SPTBN5: variants seen among roughly 807,000 people sequenced by gnomAD.
SPTBN5 encodes the protein spectrin beta chain, non-erythrocytic 5.
Under a neutral mutation model 477.6 loss-of-function variants are expected in SPTBN5, and 513 were observed. The ratio of observed to expected loss-of-function variants is 1.07; its 90% CI spans 1.00 to 1.16. The LOEUF (loss-of-function observed/expected upper bound fraction) is 1.16. SPTBN5 is among the 50% of genes most tolerant of loss of function. The pLI is 0.00. For missense variants in SPTBN5, 5,062 were observed against 4,731.8 expected (o/e 1.07, Z -2.05); for synonymous variants, 2,169 against 2,011.7 (o/e 1.08, Z -2.09).
Position 41,857,447 on chromosome 15 carries a change from C to A in SPTBN5, c.8412G>T (p.Glu2804Asp). 2 of 1,607,774 alleles carry A rather than the reference C, an allele frequency of 1.2e-6. No homozygotes were observed. The highest frequency in any genetic ancestry group is 1.7e-6 in the Non-Finnish European group (2 of 1,177,380). Residue 2804 changes from glutamate to aspartate, a missense_variant, in exon 51 of 68, where the codon GAG (glutamate) becomes GAT (aspartate). Glu to Asp is a conservative substitution (Grantham distance 45). Transcript: ENST00000320955. Reference protein sequence around the residue: ...RSMEELENWLEPIEVELRAPT... With the variant: ...RSMEELENWLDPIEVELRAPT... Reference sequence around the variant, plus strand: ...GGGCTCTCAGCTCAACCTCGATGGGCTCCAGCCAGTTCTCCAGTTCCTCCA... The same window carrying A: ...GGGCTCTCAGCTCAACCTCGATGGGATCCAGCCAGTTCTCCAGTTCCTCCA...
chr15:41,866,306 C>T, intron 37 of SPTBN5, 38 bp downstream of exon 37: 1 of 1,571,586 alleles, frequency 6.4e-7, no homozygotes. Flanking sequence ...CTGGGCCACA[C>T]TTTGGGGCAG....
Position 41,882,070 on chromosome 15 carries a change from G to T in SPTBN5, c.2323C>A (p.Gln775Lys), listed in dbSNP as rs1223939375. Residue 775 changes from glutamine to lysine, a missense_variant, in exon 12 of 68, where the codon CAG becomes AAG. By Grantham distance (53) the Gln-to-Lys change is moderately conservative. Coordinates refer to ENST00000320955, the MANE Select transcript of SPTBN5 (RefSeq NM_016642.4). ...RSSLERASCG[Q>K]DQAAAETLLR... The stretch of plus-strand genomic sequence containing the variant: ...AGGGTCTCGGCGGCCGCCTGGTCCT[G>T]ACCGCAGGACGCTCTCTCCAGCGAG... 6.4e-7 allele frequency: 1 copy of T among 1,567,810 alleles called. No homozygotes were observed. The highest frequency in any genetic ancestry group is 1.7e-5 in the Admixed American group (1 of 57,390).
rs1193428875 is a variant in SPTBN5 at position 41,852,816 on chromosome 15, C to G, written c.10347+8G>C. On this transcript the variant is annotated splice_region_variant and intron_variant, in intron 60 of 67. Coordinates refer to ENST00000320955, the MANE Select transcript of SPTBN5 (RefSeq NM_016642.4). ...GGTAGCCAGCTAAGGGGCAGGACCC[C>G]CACTCACCCCATAGTCGGGCTTCAG... 5 of 1,610,282 alleles carry G rather than the reference C, an allele frequency of 3.1e-6. No individual in the cohort carries two copies. In the African/African-American group the frequency reaches 6.7e-5, roughly 22 times the overall value.
At chr15:41,865,924 G>C in intron 38 of SPTBN5, 21 bp from the exon 39 acceptor site, 1 of 1,556,870 alleles carries the variant, frequency 6.4e-7, no homozygotes, top group Non-Finnish European at 8.7e-7. Flanking sequence ...CGAGGGTGGG[G>C]AGGGAGCGCT....
chr15:41,850,771 AGGATGCATAAAACAC>A, intron 66 of SPTBN5, 68 bp downstream of exon 66: 1 of 1,200,470 alleles, frequency 8.3e-7, no homozygotes, highest in African/African-American at 1.5e-5. Context: ...AAACCTCCCT[AGGATGCATAAAACAC>A]TAGGGGCCCA....
chr15:41,877,392 C>G (rs1306024524), intron 17 of SPTBN5, 36 bp from the exon 18 acceptor site: 2 of 1,588,020 alleles, frequency 1.3e-6, no homozygotes, highest in Non-Finnish European at 8.6e-7. Context: ...CAAACCCCAG[C>G]AGGCTCCCTC....
rs554221210 is a variant in SPTBN5, at chr15:41,853,533, C to G, written c.9980+49G>C. 311 of 1,542,544 alleles carry G rather than the reference C, an allele frequency of 2.0e-4. 5 individuals are homozygous for G. The East Asian group carries it at 6.8e-3, about 34-fold the overall frequency. ...CAGCTCCCCCAAGAGCCAGGATACCCCCACCCCACAGGGTAGAGCTGAGCC... is the reference window on the plus strand; with the variant it reads ...CAGCTCCCCCAAGAGCCAGGATACCGCCACCCCACAGGGTAGAGCTGAGCC... On this transcript the variant is annotated intron_variant, in intron 58 of 67. Coordinates refer to ENST00000320955, the MANE Select transcript of SPTBN5 (RefSeq NM_016642.4).
chr15:41,876,276 C>G lies in SPTBN5; in HGVS notation c.3960G>C (p.Lys1320Asn), dbSNP rs997888509. 1.3e-6 allele frequency: 2 copies of G among 1,565,716 alleles called. No homozygotes were observed. The highest frequency in any genetic ancestry group is 1.7e-6 in the Non-Finnish European group (2 of 1,155,264). The change falls in exon 21 of 68, where the codon AAG becomes AAC. Residue 1320 changes from lysine (K) to asparagine (N), a missense_variant. Physicochemically the swap from Lys to Asn is moderately conservative, Grantham distance 94. Transcript: ENST00000320955. ...LLASLQLQEW[K>N]QDVAELMQWM... ...ACTGCATCAGCTCTGCCACATCCTG[C>G]TTCCACTCCTGCCAAGAACCAGGCG...
rs758990851 is a variant in SPTBN5 at position 41,882,996 on chromosome 15, C to T, written c.1892G>A (p.Arg631Gln). ...TGGAAGAGTTGGGGCAGGCTCTTAC[C>T]GGGCCCTGACAAGAGCCACCAGGCT... ...QQSLVALVRARRALLEQTLQR... is the reference protein window; with the variant it reads ...QQSLVALVRAQRALLEQTLQR... Residue 631 changes from arginine to glutamine, a missense_variant and splice_region_variant, in exon 9 of 68, where the codon CGG becomes CAG. Transcript: ENST00000320955. 8 of 1,538,228 alleles carry T rather than the reference C, an allele frequency of 5.2e-6. No homozygotes were observed. In the South Asian group the frequency reaches 5.9e-5, roughly 11 times the overall value.
Position 41,892,944 on chromosome 15 carries a change from C to A in SPTBN5, c.334G>T (p.Val112Leu), listed in dbSNP as rs774753308. 3 of 1,608,526 alleles carry A rather than the reference C, an allele frequency of 1.9e-6. No individual in the cohort carries two copies. The South Asian group carries it at 3.3e-5, about 18-fold the overall frequency. ...LPPPSRGRLR[V>L]HFLENSSRAL... ...CGGCTGCTGTTCTCCAGGAAGTGCA[C>A]ACGCAGGCGGCCCCGGCTCGGGGGT... The change falls in exon 3 of 68, where the codon GTG (valine) becomes TTG (leucine). Residue 112 changes from valine (V) to leucine (L), a missense_variant. Val to Leu is a conservative substitution (Grantham distance 32). Coordinates refer to ENST00000320955, the MANE Select transcript of SPTBN5 (RefSeq NM_016642.4).
intron 3 of SPTBN5, 61 bp from the exon 4 acceptor site, chr15:41,890,266 C>T: frequency 8.0e-7 from 1 of 1,246,810 alleles, no homozygotes. Flanking sequence ...ACTCAGTCAC[C>T]AAAAGCTTAG....
In SPTBN5 at chr15:41,880,183, C is replaced by G. The variant is rs781477484; in HGVS notation, c.2788G>C (p.Glu930Gln). The G allele has an allele frequency of 6.2e-7, 1 of 1,604,590 alleles. No individual in the cohort carries two copies. The highest frequency in any genetic ancestry group is 8.5e-7 in the Non-Finnish European group (1 of 1,176,362). ...ACCTCATATTTGAGCTGCATGACCT[C>G]CAGGGTGTCAGCCTGGGGCTGCACC... ...QRVQPQADTL[E>Q]VMQLKYENFL... is the part of the protein sequence containing the mutation. Residue 930 changes from glutamate to glutamine, a missense_variant, in exon 14 of 68, where the codon GAG becomes CAG. By Grantham distance (29) the Glu-to-Gln change is conservative. Transcript: ENST00000320955.
chr15:41,883,473 T>G lies in SPTBN5; in HGVS notation c.1534A>C (p.Thr512Pro). Residue 512 changes from threonine to proline, a missense_variant, in exon 8 of 68, where the codon ACC (threonine) becomes CCC (proline). Coordinates refer to ENST00000320955, the MANE Select transcript of SPTBN5 (RefSeq NM_016642.4). ...ADVARRQEEV[T>P]VRWQRLLQHL... ...TGAAGGAGCCTCTGCCAGCGCACGG[T>G]AACTTCCTCCTGCCTAGAGGATATG... The G allele has an allele frequency of 6.2e-7, 1 of 1,613,880 alleles. No individual in the cohort carries two copies. Among genetic ancestry groups the G allele is most frequent in the African/African-American group, 1.3e-5 (1 of 75,046 alleles).
In SPTBN5 at chr15:41,861,391, C is replaced by T. The variant is rs764490395; in HGVS notation, c.7815+28G>A. On this transcript the variant is annotated intron_variant, in intron 46 of 67. Transcript: ENST00000320955. ...CTAATGCTGCTCTGGTAATTCCCCC[C>T]TCCTGCCCATTCCTGCTGGGCACCT... is the stretch of plus-strand genomic sequence containing the variant. 2.5e-6 allele frequency: 4 copies of T among 1,595,240 alleles called. No homozygotes were observed. The Admixed American group carries it at 6.7e-5, about 27-fold the overall frequency.
chr15:41,879,678 C>T (rs1389803821), intron 15 of SPTBN5, 56 bp downstream of exon 15: 59 of 1,601,436 alleles, frequency 3.7e-5, no homozygotes, highest in South Asian at 1.0e-4. Flanking sequence ...GAGTCAGGCC[C>T]AGGCTGGGCA....
chr15:41,858,942 T>C lies in SPTBN5; in HGVS notation c.8027A>G (p.His2676Arg), dbSNP rs2066009198. 14 of 1,593,142 alleles carry C rather than the reference T, an allele frequency of 8.8e-6. No individual in the cohort carries two copies. The highest frequency in any genetic ancestry group is 1.1e-5 in the Non-Finnish European group (13 of 1,168,302). The change falls in exon 48 of 68, where the codon CAT (histidine) becomes CGT (arginine). Residue 2676 changes from histidine to arginine, a missense_variant. By Grantham distance (29) the His-to-Arg change is conservative (BLOSUM62 0). Coordinates refer to ENST00000320955, the MANE Select transcript of SPTBN5 (RefSeq NM_016642.4). ...CAGCTGCCGGAGCTCCTCCAGGCGA[T>C]GGCGGCGGGTCCCGGCTTGCCTGAA... ...ALFRQAGTRR[H>R]RLEELRQLQA... is the part of the protein sequence containing the mutation.
rs549448937 is a variant in SPTBN5, at chr15:41,879,420, C to G, written c.3022G>C (p.Glu1008Gln). ...HSVEVCSFLQ[E>Q]CGPTQVQLRD... The stretch of plus-strand genomic sequence containing the variant: ...AGCTGGACCTGTGTGGGTCCACACT[C>G]CTGCAGAAAACTGCACACTTCCACA... The change falls in exon 16 of 68, where the codon GAG (glutamate) becomes CAG (glutamine). Residue 1008 changes from glutamate (E) to glutamine (Q), a missense_variant. By Grantham distance (29) the Glu-to-Gln change is conservative. Coordinates refer to ENST00000320955, the MANE Select transcript of SPTBN5 (RefSeq NM_016642.4). The G allele has an allele frequency of 2.3e-4, 373 of 1,610,044 alleles. 4 individuals are homozygous for G. The East Asian group carries it at 8.1e-3, about 35-fold the overall frequency.
chr15:41,852,211 C>A lies in SPTBN5; in HGVS notation c.10555G>T (p.Ala3519Ser). The A allele has an allele frequency of 6.2e-7, 1 of 1,605,768 alleles. No homozygotes were observed. Among genetic ancestry groups the A allele is most frequent in the Non-Finnish European group, 8.5e-7 (1 of 1,174,710 alleles). Residue 3519 changes from alanine (A) to serine (S), a missense_variant, in exon 62 of 68, where the codon GCA (alanine) becomes TCA (serine). Transcript: ENST00000320955. ...WRPSGHQGLG[A>S]QLAETRDPQD... is the part of the protein sequence containing the mutation. ...GGGTCCCTCGTCTCAGCCAGCTGTG[C>A]TCCTAGCCCCTGGTGTCCAGAGGGC... is the stretch of plus-strand genomic sequence containing the variant.
intron 21 of SPTBN5, among the ~76,000 whole-genome samples, 163 bp from the exon 22 acceptor site, chr15:41,875,785 TA>T (rs2066704090): frequency 6.6e-6 from 1 of 151,960 alleles, no homozygotes; most frequent in Non-Finnish European, 1.5e-5. Context: ...AAACTGCAGG[TA>T]GGGGGGCTTT....
Sources: allele counts gnomAD v4.1 joint callset (sites outside exome capture counted in the v4.1 genomes callset), GRCh38; gene constraint gnomAD v4.1.1; transcripts MANE v1.5; gene names NCBI Gene and HGNC (gene_info 2026-07-23, HGNC 2026-07-21).